RFC3: variants seen among roughly 807,000 people sequenced by gnomAD.
RFC3 encodes the protein A1 38 kDa subunit.
RFC3 carries 41 observed loss-of-function variants against 45.1 expected under a neutral mutation model. The observed-to-expected ratio is 0.91, with a 90% CI of 0.71 to 1.18. The LOEUF (loss-of-function observed/expected upper bound fraction) is 1.18, where lower values mean the gene tolerates loss of function less well. Ranked by LOEUF, RFC3 falls within the 50% of genes most tolerant of loss-of-function variation. RFC3 has a pLI of 0.00. For missense variants in RFC3, 423 were observed against 428.1 expected (o/e 0.99, Z 0.10); for synonymous variants, 149 against 144.0 (o/e 1.03, Z -0.25).
rs751954699 is a variant in RFC3 at position 33,829,849 on chromosome 13, A to G, written c.405A>G (p.Thr135=). 5.0e-6 allele frequency: 8 copies of G among 1,613,988 alleles called. No individual in the cohort carries two copies. The South Asian group carries it at 6.6e-5, about 13-fold the overall frequency. ...SQRDFKVVLL[T]EVDKLTKDAQ... ...TCTTTGACTCAGTGGTATTATTGACAGAAGTTGACAAACTCACCAAAGATG... is the reference window on the plus strand; with the variant it reads ...TCTTTGACTCAGTGGTATTATTGACGGAAGTTGACAAACTCACCAAAGATG... Residue 135 remains threonine (T), a synonymous_variant, in exon 5 of 9, where the codon ACA becomes ACG. Transcript: ENST00000380071.
chr13:33,882,685 C>T lies in RFC3; in HGVS notation c.879+47468C>T, dbSNP rs572788953. On this transcript the variant is annotated intron_variant, in intron 8 of 8. Coordinates refer to the RFC3 transcript ENST00000434425. ...AGTAAATGTTTGTGGTTTAAGCCACCCAATCTTTTGTGTTTTTGTTAAAGC... is the reference window on the plus strand; with the variant it reads ...AGTAAATGTTTGTGGTTTAAGCCACTCAATCTTTTGTGTTTTTGTTAAAGC... Among the ~76,000 whole-genome samples the T allele has an allele frequency of 3.9e-5, 6 of 152,232 alleles. 1 individual carries two copies. The East Asian group carries it at 5.8e-4, about 15-fold the overall frequency.
chr13:33,827,413 AATG>A (rs1378472563), intron 4 of RFC3, among the ~76,000 whole-genome samples: 1 of 152,230 alleles, frequency 6.6e-6, no homozygotes, highest in African/African-American at 2.4e-5. Flanking sequence ...TATACAAAAT[AATG>A]ATATGTGTAT....
intron 8 of RFC3, among the ~76,000 whole-genome samples, chr13:33,863,222 C>T (rs1566006881): frequency 1.3e-5 from 2 of 152,142 alleles, no homozygotes; most frequent in Non-Finnish European, 2.9e-5. Context: ...ACAATACATA[C>T]ATATATACAC....
At chr13:33,954,763 A>T (rs2083011597) in intron 8 of RFC3, among the ~76,000 whole-genome samples, 1 of 152,036 alleles carries the variant, frequency 6.6e-6, no homozygotes, top group African/African-American at 2.4e-5. Flanking sequence ...TTATAAAATC[A>T]CTAATCTCCT....
At chr13:33,919,765 C>T (rs1294204933) in intron 8 of RFC3, among the ~76,000 whole-genome samples, 1 of 151,976 alleles carries the variant, frequency 6.6e-6, no homozygotes, top group Non-Finnish European at 1.5e-5. Context: ...TCTTGTTAAT[C>T]CTGTTGGCAG....
intron 8 of RFC3, among the ~76,000 whole-genome samples, chr13:33,856,758 A>C (rs542600584): frequency 6.6e-6 from 1 of 152,298 alleles, no homozygotes; most frequent in African/African-American, 2.4e-5. Context: ...TTGGCTTTCT[A>C]AATTGGGTGC....
intron 8 of RFC3, among the ~76,000 whole-genome samples, chr13:33,942,140 T>G (rs1324629238): frequency 1.3e-5 from 2 of 152,130 alleles, no homozygotes; most frequent in African/African-American, 4.8e-5. Context: ...GTGTGTTTGA[T>G]AAATCTAATG....
chr13:33,956,558 G>C (rs904459710), intron 8 of RFC3, among the ~76,000 whole-genome samples: 16 of 152,140 alleles, frequency 1.1e-4, no homozygotes, highest in African/African-American at 3.6e-4. Context: ...ATACCAAAAA[G>C]TATTTCCATA....
At chr13:33,885,540 G>T (rs1012086812) in intron 8 of RFC3, among the ~76,000 whole-genome samples, 5 of 152,038 alleles carry the variant, frequency 3.3e-5, no homozygotes, top group African/African-American at 1.2e-4. Context: ...TAGCTGTGTT[G>T]CTTAACTTTA....
downstream of RFC3, chr13:33,837,588 T>C (rs1026734894): frequency 6.6e-6 from 1 of 152,112 alleles, no homozygotes; most frequent in African/African-American, 2.4e-5. Context: ...TTGTAAACAT[T>C]AACTTTTAAA....
intron 8 of RFC3, among the ~76,000 whole-genome samples, chr13:33,868,067 T>C (rs1163035660): frequency 6.6e-6 from 1 of 152,206 alleles, no homozygotes; most frequent in Non-Finnish European, 1.5e-5. Flanking sequence ...TTGCCTTCCT[T>C]TGCTGGGAGA....
intron 8 of RFC3, among the ~76,000 whole-genome samples, chr13:33,851,965 A>G (rs942576332): frequency 6.6e-6 from 1 of 152,222 alleles, no homozygotes; most frequent in African/African-American, 2.4e-5. Flanking sequence ...TTTATAAAAA[A>G]TGAATTGACA....
chr13:33,941,279 C>T (rs910237518), intron 8 of RFC3, among the ~76,000 whole-genome samples: 1 of 152,040 alleles, frequency 6.6e-6, no homozygotes, highest in Non-Finnish European at 1.5e-5. Context: ...CTCTAATCAC[C>T]CTTCAATGTG....
intron 8 of RFC3, among the ~76,000 whole-genome samples, chr13:33,956,842 G>A (rs1252287138): frequency 6.6e-6 from 1 of 152,178 alleles, no homozygotes; most frequent in African/African-American, 2.4e-5. Flanking sequence ...TTGTATATGT[G>A]TGTTAGTTGC....
At chr13:33,905,386 A>G (rs1277493204) in intron 8 of RFC3, among the ~76,000 whole-genome samples, 1 of 152,036 alleles carries the variant, frequency 6.6e-6, no homozygotes, top group African/African-American at 2.4e-5. Flanking sequence ...TCTTTACCTT[A>G]AAAACATCAT....
At chr13:33,890,156 TG>T (rs1279981575) in intron 8 of RFC3, among the ~76,000 whole-genome samples, 2 of 152,124 alleles carry the variant, frequency 1.3e-5, no homozygotes, top group Non-Finnish European at 2.9e-5. Context: ...GTATGTAAAC[TG>T]TGTGGGGTGG....
At chr13:33,922,915 T>G (rs564608356) in intron 8 of RFC3, among the ~76,000 whole-genome samples, 1 of 152,266 alleles carries the variant, frequency 6.6e-6, no homozygotes, top group South Asian at 2.1e-4. Context: ...ACTTATGATA[T>G]ATGTAAAGCC....
intron 8 of RFC3, among the ~76,000 whole-genome samples, chr13:33,948,080 G>A (rs2082965262): frequency 6.6e-6 from 1 of 152,200 alleles, no homozygotes; most frequent in Non-Finnish European, 1.5e-5. Context: ...TCCAGGGCAT[G>A]TTAGAGACCT....
chr13:33,885,859 C>G (rs1315232286), intron 8 of RFC3, among the ~76,000 whole-genome samples: 3 of 152,108 alleles, frequency 2.0e-5, no homozygotes, highest in Admixed American at 2.0e-4. Context: ...CCATCTTTTT[C>G]CTTCTAGTAG....
Sources: allele counts gnomAD v4.1 joint callset (sites outside exome capture counted in the v4.1 genomes callset), GRCh38; gene constraint gnomAD v4.1.1; transcripts MANE v1.5; gene names NCBI Gene and HGNC (gene_info 2026-07-23, HGNC 2026-07-21).